Variants in COL27A1 observed in about 807,000 individuals in gnomAD.
The protein encoded by COL27A1 is collagen alpha-1(XXVII) chain.
COL27A1 carries 106 observed loss-of-function variants against 251.3 expected under a neutral mutation model. That is an observed-to-expected ratio of 0.42 (90% CI 0.36 to 0.50). The LOEUF is 0.50. Among genes scored for constraint, COL27A1 ranks in the 20% least tolerant of loss-of-function variants. The probability of loss-of-function intolerance (pLI) is 0.00; values close to 1 mark genes in which losing one functional copy is unlikely to be tolerated. For synonymous variants in COL27A1, 1,000 were observed against 986.3 expected (o/e 1.01, Z -0.26); for missense variants, 2,325 against 2,522.8 (o/e 0.92, Z 1.68).
At chr9:114,202,339 G>A (rs1177386115) in intron 7 of COL27A1, among the ~76,000 whole-genome samples, 1 of 152,168 alleles carries the variant, frequency 6.6e-6, no homozygotes, top group Admixed American at 6.5e-5. Context: ...GTTCTCTTGG[G>A]GTTCTTGCCC....
intron 1 of COL27A1, among the ~76,000 whole-genome samples, chr9:114,157,363 T>A (rs1178371457): frequency 1.3e-5 from 2 of 151,686 alleles, no homozygotes. Context: ...CTCTCCAGCA[T>A]GCCTCTGCTC....
chr9:114,301,340 T>C (rs1828611528), intron 53 of COL27A1, 21 bp downstream of exon 53: 2 of 1,581,710 alleles, frequency 1.3e-6, no homozygotes, highest in Non-Finnish European at 1.7e-6. Context: ...GGGCTGGGGC[T>C]GAGGGATGCA....
chr9:114,257,361 G>A (rs147601558), intron 27 of COL27A1, among the ~76,000 whole-genome samples: 24 of 151,946 alleles, frequency 1.6e-4, no homozygotes, highest in East Asian at 7.8e-4. Flanking sequence ...GCCTGGAATC[G>A]GGGTGGGGGC....
chr9:114,223,576 T>A (rs1347351841), intron 14 of COL27A1, among the ~76,000 whole-genome samples: 1 of 152,016 alleles, frequency 6.6e-6, no homozygotes, highest in Non-Finnish European at 1.5e-5. Flanking sequence ...GCCTCAGGGA[T>A]CCCCTCTGTG....
intron 48 of COL27A1, 111 bp downstream of exon 48, chr9:114,291,028 G>A: frequency 2.8e-6 from 2 of 714,860 alleles, no homozygotes; most frequent in Non-Finnish European, 4.6e-6. Context: ...TGTGAAAATG[G>A]AGTCCACATT....
chr9:114,288,393 T>G (rs931595853), intron 41 of COL27A1, 62 bp from the exon 42 acceptor site: 1 of 1,546,014 alleles, frequency 6.5e-7, no homozygotes, highest in Non-Finnish European at 8.8e-7. Flanking sequence ...GCTTTCCGTC[T>G]GGAATTCCCC....
intron 12 of COL27A1, among the ~76,000 whole-genome samples, chr9:114,216,533 G>A (rs898621964): frequency 6.6e-6 from 1 of 152,188 alleles, no homozygotes; most frequent in African/African-American, 2.4e-5. Flanking sequence ...GGAGGGATGA[G>A]GCAAGGTAGT....
intron 12 of COL27A1, chr9:114,217,709 C>T: frequency 2.2e-6 from 1 of 461,656 alleles, no homozygotes; most frequent in Non-Finnish European, 4.5e-6. Flanking sequence ...GTGGAGTCAG[C>T]CAGGTGCCCA....
chr9:114,231,094 T>C lies in COL27A1; in HGVS notation c.2482T>C (p.Leu828=), dbSNP rs771526098. 38 of 1,613,262 alleles carry C rather than the reference T, an allele frequency of 2.4e-5. No individual in the cohort carries two copies. Among genetic ancestry groups the C allele is most frequent in the African/African-American group, 6.7e-5 (5 of 74,910 alleles). ...CTCCCCACAGGGTGACTTAGGAGTGTTGGGTCCGATTGGCTACCCGGGACC... is the reference window on the plus strand; with the variant it reads ...CTCCCCACAGGGTGACTTAGGAGTGCTGGGTCCGATTGGCTACCCGGGACC... The part of the protein sequence containing the change: ...VPGLIGDLGV[L]GPIGYPGPKG... Residue 828 remains leucine, a synonymous_variant, in exon 15 of 61, where the codon TTG becomes CTG. Transcript: ENST00000356083.
At chr9:114,299,181 G>A (rs112694486) in intron 49 of COL27A1, among the ~76,000 whole-genome samples, 1 of 152,168 alleles carries the variant, frequency 6.6e-6, no homozygotes, top group African/African-American at 2.4e-5. Context: ...TGGTCTCATT[G>A]CATCCTTCCA....
At chr9:114,184,528 G>T (rs1280127825) in intron 5 of COL27A1, among the ~76,000 whole-genome samples, 1 of 152,224 alleles carries the variant, frequency 6.6e-6, no homozygotes, top group Non-Finnish European at 1.5e-5. Context: ...GGCTGGGCTG[G>T]GTTCCTTTCC....
chr9:114,299,936 G>T lies in COL27A1; in HGVS notation c.4585-134G>T, dbSNP rs548090782. ...TTTGTGAGCTGTTCACACTCACTTG[G>T]TCGCTTCACAGAGGAGTCACTGATA... On this transcript the variant is annotated intron_variant, in intron 49 of 60. Transcript: ENST00000356083. The T allele has an allele frequency of 1.6e-5, 12 of 765,156 alleles. No individual in the cohort carries two copies. The African/African-American group carries it at 1.7e-4, about 11-fold the overall frequency. The allele number at this position is 765,156 out of a possible 1,614,324, so 47.4% of individuals were successfully genotyped here.
intron 19 of COL27A1, 79 bp from the exon 20 acceptor site, chr9:114,240,141 C>A: frequency 1.6e-6 from 2 of 1,281,614 alleles, no homozygotes; most frequent in South Asian, 2.4e-5. Flanking sequence ...GAAACCCGGT[C>A]AGTCTCCCTG....
At chr9:114,164,710 A>G (rs1265069236) in intron 2 of COL27A1, among the ~76,000 whole-genome samples, 1 of 152,226 alleles carries the variant, frequency 6.6e-6, no homozygotes, top group Non-Finnish European at 1.5e-5. Flanking sequence ...GTCCCAGTCT[A>G]TAGTGAATAA....
chr9:114,291,145 A>T (rs779602403), intron 48 of COL27A1, among the ~76,000 whole-genome samples: 8 of 151,994 alleles, frequency 5.3e-5, no homozygotes, highest in Non-Finnish European at 1.2e-4. Flanking sequence ...GGCCCTTGAA[A>T]CCTTCAACTG....
rs1250224526 is a variant in COL27A1, at chr9:114,306,675, G to A, written c.5094G>A (p.Gln1698=). Residue 1698 remains glutamine (Q), a synonymous_variant, in exon 58 of 61, where the codon CAG becomes CAA. Coordinates refer to ENST00000356083, the MANE Select transcript of COL27A1 (RefSeq NM_032888.4). ...GCAGGGACCTCATGGACTGTGAGCA[G>A]AAGATGGTGGATGGTGAGAAGGCTT... The part of the protein sequence containing the change: ...RVCRDLMDCE[Q]KMVDGTYWVD... The A allele has an allele frequency of 1.2e-6, 2 of 1,613,362 alleles. No individual in the cohort carries two copies. The highest frequency in any genetic ancestry group is 1.7e-6 in the Non-Finnish European group (2 of 1,179,854).
In COL27A1 at chr9:114,295,041, A is replaced by G. The variant is rs142595609; in HGVS notation, c.4584+2831A>G. Among the ~76,000 whole-genome samples the G allele has an allele frequency of 3.0e-3, 461 of 152,372 alleles. 5 individuals are homozygous for G. The highest frequency in any genetic ancestry group is 0.017 in the East Asian group (90 of 5,194). On this transcript the variant is annotated intron_variant, in intron 49 of 60. Transcript: ENST00000356083. ...ATTGTGATTGTATATACTAGGCAAT[A>G]TGCATAAATGAATTGCATTTCTATA...
chr9:114,295,409 G>A (rs549237731), intron 49 of COL27A1, among the ~76,000 whole-genome samples: 7 of 152,216 alleles, frequency 4.6e-5, no homozygotes, highest in Middle Eastern at 3.4e-3. Flanking sequence ...AAAGCTTATC[G>A]GGTTTTCATG....
chr9:114,253,295 A>AAGGAAGAAAG (rs1833672295), intron 27 of COL27A1, among the ~76,000 whole-genome samples: 9 of 140,252 alleles, frequency 6.4e-5, no homozygotes, highest in African/African-American at 2.3e-4. Flanking sequence ...GAGACAGAGA[A>AAGGAAGAAAG]AAAGAAAGAA....
Sources: allele counts gnomAD v4.1 joint callset (sites outside exome capture counted in the v4.1 genomes callset), GRCh38; gene constraint gnomAD v4.1.1; transcripts MANE v1.5; gene names NCBI Gene and HGNC (gene_info 2026-07-23, HGNC 2026-07-21).